SMYD4: variants seen among roughly 807,000 people sequenced by gnomAD.
SMYD4 encodes protein-lysine N-methyltransferase SMYD4.
In SMYD4, 68 loss-of-function variants were observed where a neutral mutation model predicts 72.8. The ratio of observed to expected loss-of-function variants is 0.93; its 90% CI spans 0.77 to 1.14. SMYD4 has a LOEUF of 1.14. Among genes scored for constraint, SMYD4 ranks in the 50% most tolerant of loss-of-function variants. The pLI, the probability that SMYD4 is intolerant of heterozygous loss-of-function variation, is 0.00. For synonymous variants in SMYD4, 407 were observed against 388.6 expected, an observed-to-expected ratio of 1.05 and a Z score of -0.56; for missense variants, 984 against 1,003.7, an observed-to-expected ratio of 0.98 and a Z score of 0.27.
chr17:1,783,116 T>C lies in SMYD4; in HGVS notation c.2180A>G (p.Tyr727Cys), dbSNP rs9902398. 0.72 allele frequency: 1,164,134 copies of C among 1,613,932 alleles called. 422,448 individuals carry two copies. Among genetic ancestry groups the C allele is most frequent in the African/African-American group, 0.9 (67,309 of 75,002 alleles). ...KSATHLQRSL[Y>C]VVEVRHGPSS... ...CGGCCCGTGGCGAACCTCCACCACG[T>C]AGAGACTCCTCTGTAGATGGGTGGC... is the stretch of plus-strand genomic sequence containing the variant. The change falls in exon 10 of 11, where the codon TAC becomes TGC. Residue 727 changes from tyrosine to cysteine, a missense_variant. Transcript: ENST00000305513.
chr17:1,826,491 C>CAAAAAAAAAAAAAAAAAA (rs111636314), intron 2 of SMYD4, among the ~76,000 whole-genome samples: 1 of 103,118 alleles, frequency 9.7e-6, no homozygotes. Flanking sequence ...AAACTCTGTC[C>CAAAAAAAAAAAAAAAAAA]AAAAAAAAAA....
At chr17:1,806,737 G>A (rs955687746) in intron 3 of SMYD4, among the ~76,000 whole-genome samples, 3 of 151,806 alleles carry the variant, frequency 2.0e-5, no homozygotes, top group Non-Finnish European at 4.4e-5. Context: ...AATTATGGAG[G>A]GCAATTTAGC....
At chr17:1,783,290 A>AGGCCGG in intron 9 of SMYD4, 70 bp downstream of exon 9, 1 of 1,610,358 alleles carries the variant, frequency 6.2e-7, no homozygotes, top group Non-Finnish European at 8.5e-7. Flanking sequence ...CAGGCAGACA[A>AGGCCGG]GGCCGGGGCC....
chr17:1,792,679 C>T (rs6502965), intron 5 of SMYD4, among the ~76,000 whole-genome samples: 114,357 of 151,932 alleles, frequency 0.75, 43,922 homozygotes, highest in Non-Finnish European at 0.81. Context: ...ACTCTGCTGC[C>T]GTGACAGGCC....
intron 4 of SMYD4, among the ~76,000 whole-genome samples, chr17:1,803,066 C>T (rs1396670791): frequency 1.3e-5 from 2 of 152,148 alleles, no homozygotes; most frequent in African/African-American, 2.4e-5. Context: ...TCGTTGAACC[C>T]GGGAGGCGGA....
chr17:1,824,834 G>A (rs1911081603), intron 2 of SMYD4, among the ~76,000 whole-genome samples: 2 of 151,798 alleles, frequency 1.3e-5, no homozygotes, highest in African/African-American at 4.8e-5. Flanking sequence ...CATGTTGGCT[G>A]GGCTGGTCCT....
At chr17:1,813,109 T>C (rs1403838178) in intron 2 of SMYD4, among the ~76,000 whole-genome samples, 1 of 152,208 alleles carries the variant, frequency 6.6e-6, no homozygotes, top group Non-Finnish European at 1.5e-5. Context: ...CAGCCAATTT[T>C]TGTATTTTCA....
intron 2 of SMYD4, among the ~76,000 whole-genome samples, chr17:1,819,953 A>G (rs1910810900): frequency 6.6e-6 from 1 of 151,962 alleles, no homozygotes; most frequent in Admixed American, 6.6e-5. Context: ...ACGCCCAGCT[A>G]ATTTTTGCAT....
chr17:1,787,036 C>A (rs544866539), intron 6 of SMYD4, 63 bp from the exon 7 acceptor site: 1 of 1,587,982 alleles, frequency 6.3e-7, no homozygotes, highest in South Asian at 1.1e-5. Context: ...TACGTAAAAA[C>A]CTTCAGCTTA....
chr17:1,797,279 G>A (rs1249577828), intron 5 of SMYD4, among the ~76,000 whole-genome samples: 5 of 152,170 alleles, frequency 3.3e-5, no homozygotes, highest in Admixed American at 2.0e-4. Context: ...CCTCTCAAGA[G>A]AGTTAATTGA....
chr17:1,824,308 A>G (rs552773840), intron 2 of SMYD4, among the ~76,000 whole-genome samples: 1 of 152,304 alleles, frequency 6.6e-6, no homozygotes, highest in East Asian at 1.9e-4. Flanking sequence ...GCGCCACTGC[A>G]CTCCAGCCTG....
At chr17:1,824,352 A>G (rs957249000) in intron 2 of SMYD4, among the ~76,000 whole-genome samples, 3 of 152,164 alleles carry the variant, frequency 2.0e-5, no homozygotes, top group Non-Finnish European at 4.4e-5. Flanking sequence ...CAAAAGAAAA[A>G]TAATACTAAT....
Position 1,800,803 on chromosome 17 carries a change from C to G in SMYD4, c.591G>C (p.Lys197Asn), listed in dbSNP as rs1485700557. The G allele has an allele frequency of 6.2e-7, 1 of 1,614,188 alleles. No individual in the cohort carries two copies. The highest frequency in any genetic ancestry group is 1.1e-5 in the South Asian group (1 of 91,088). The change falls in exon 5 of 11, where the codon AAG (lysine) becomes AAC (asparagine). Residue 197 changes from lysine to asparagine, a missense_variant. Lys to Asn is a moderately conservative substitution (Grantham distance 94). Transcript: ENST00000305513. Reference sequence around the variant, plus strand: ...CTGTGAGACTGTCCTTTTCTTGCATCTTCATTTTCAGACGATGGAGGTTTC... The same window carrying G: ...CTGTGAGACTGTCCTTTTCTTGCATGTTCATTTTCAGACGATGGAGGTTTC... ...LQRNLHRLKMKMQEKDSLTES... is the reference protein window; with the variant it reads ...LQRNLHRLKMNMQEKDSLTES...
At chr17:1,798,848 G>A (rs1909544534) in intron 5 of SMYD4, among the ~76,000 whole-genome samples, 1 of 151,668 alleles carries the variant, frequency 6.6e-6, no homozygotes, top group Admixed American at 6.6e-5. Flanking sequence ...ACAGTGAGCT[G>A]AGATTGCGCC....
chr17:1,799,848 C>A lies in SMYD4; in HGVS notation c.1537+9G>T. ...TATTGAAAAGCAGGAACATCAGGTT[C>A]CCTCTTACCTGTGTGTTGTATGGTG... On this transcript the variant is annotated intron_variant, in intron 5 of 10. Transcript: ENST00000305513. 6.5e-7 allele frequency: 1 copy of A among 1,543,662 alleles called. No individual in the cohort carries two copies.
chr17:1,792,823 A>G lies in SMYD4; in HGVS notation c.1538-5219T>C, dbSNP rs142792880. On this transcript the variant is annotated intron_variant, in intron 5 of 10. Coordinates refer to ENST00000305513, the MANE Select transcript of SMYD4 (RefSeq NM_052928.3). ...ACTGAGATAGAATCCATCTACCGTA[A>G]AATTCACTTAAGTGTACGATTCAGT... is the stretch of plus-strand genomic sequence containing the variant. Among the ~76,000 whole-genome samples the G allele has an allele frequency of 6.6e-3, 1,012 of 152,270 alleles. 13 individuals carry two copies. The highest frequency in any genetic ancestry group is 0.023 in the African/African-American group (963 of 41,562).
chr17:1,816,328 A>ATT (rs144257567), intron 2 of SMYD4, among the ~76,000 whole-genome samples: 6 of 151,362 alleles, frequency 4.0e-5, no homozygotes, highest in African/African-American at 1.5e-4. Flanking sequence ...ATTTAAAAAA[A>ATT]TTTTTTTTTG....
Position 1,784,457 on chromosome 17 carries a change from T to C in SMYD4, c.1889A>G (p.Asp630Gly). Residue 630 changes from aspartate to glycine, a missense_variant, in exon 8 of 11, where the codon GAT becomes GGT. Coordinates refer to ENST00000305513, the MANE Select transcript of SMYD4 (RefSeq NM_052928.3). ...CNSCGAPMQGDDVLRCGSRSC... is the reference protein window; with the variant it reads ...CNSCGAPMQGGDVLRCGSRSC... ...TCTGCTGCCACAGCGCAGCACGTCATCTCCCTGTGGAAGTCAGTTTTCTCT... is the reference window on the plus strand; with the variant it reads ...TCTGCTGCCACAGCGCAGCACGTCACCTCCCTGTGGAAGTCAGTTTTCTCT... The C allele has an allele frequency of 6.2e-7, 1 of 1,614,142 alleles. No homozygotes were observed. Among genetic ancestry groups the C allele is most frequent in the South Asian group, 1.1e-5 (1 of 91,080 alleles).
At chr17:1,821,446 G>A (rs560046605) in intron 2 of SMYD4, among the ~76,000 whole-genome samples, 1 of 152,116 alleles carries the variant, frequency 6.6e-6, no homozygotes, top group African/African-American at 2.4e-5. Flanking sequence ...CCCAGGAGGC[G>A]GAGGCTGCTG....
Sources: gnomAD v4.1 joint callset for allele counts (sites outside exome capture counted in the v4.1 genomes callset) on GRCh38, gnomAD v4.1.1 for gene constraint, MANE v1.5 for transcripts, NCBI Gene and HGNC (gene_info 2026-07-23, HGNC 2026-07-21) for gene names.